Variants in MICOS13 observed in about 807,000 individuals in gnomAD.
MICOS13 encodes the protein mitochondrial contact site and cristae organizing system subunit 13.
MICOS13 carries 15 observed loss-of-function variants against 16.1 expected under a neutral mutation model. The observed-to-expected ratio is 0.93, with a 90% CI of 0.62 to 1.44. MICOS13 has a LOEUF of 1.44. Ranked by LOEUF, MICOS13 falls within the 40% of genes most tolerant of loss-of-function variation. The pLI is 0.00. For synonymous variants in MICOS13, 61 were observed against 62.6 expected (o/e 0.97, Z 0.12); for missense variants, 164 against 155.0 (o/e 1.06, Z -0.31).
chr19:5,680,407 CA>C (rs1568294723), intron 1 of MICOS13, 50 bp downstream of exon 1: 3 of 1,612,380 alleles, frequency 1.9e-6, no homozygotes, highest in Non-Finnish European at 2.5e-6. Context: ...GGGATGCCCA[CA>C]AAAATGGACT....
rs767797342 is a variant in MICOS13 at position 5,679,396 on chromosome 19, G to C, written c.208C>G (p.Leu70Val). 3 of 1,613,272 alleles carry C rather than the reference G, an allele frequency of 1.9e-6. No individual in the cohort carries two copies. The African/African-American group carries it at 4.0e-5, about 22-fold the overall frequency. Residue 70 changes from leucine (L) to valine (V), a missense_variant and splice_region_variant, in exon 3 of 4, where the codon CTC becomes GTC. Leu to Val is a conservative substitution (Grantham distance 32, BLOSUM62 1). Coordinates refer to ENST00000309324, the MANE Select transcript of MICOS13 (RefSeq NM_205767.3). Reference sequence around the variant, plus strand: ...AAGTAAATCTTTGGAGGGGCTGGGAGCTGGGAAAAAGAGATGGGCAGAAAG... The same window carrying C: ...AAGTAAATCTTTGGAGGGGCTGGGACCTGGGAAAAAGAGATGGGCAGAAAG... ...CQQTGLQIPQ[L>V]PAPPKIYFPI...
chr19:5,680,132 C>G, intron 1 of MICOS13: 1 of 1,536,122 alleles, frequency 6.5e-7, no homozygotes, highest in Non-Finnish European at 8.7e-7. Context: ...CAGCTCCGAG[C>G]ACGCATTCAC....
Position 5,679,777 on chromosome 19 carries a change from C to T in MICOS13, c.30-14G>A, listed in dbSNP as rs1555704095. ...TTGATGAGGAACCTGCGGGCAGGGA[C>T]GGGAGGAGCAGAAGCTCAGCGGACA... On this transcript the variant is annotated splice_polypyrimidine_tract_variant and intron_variant, in intron 1 of 3. Coordinates refer to ENST00000309324, the MANE Select transcript of MICOS13 (RefSeq NM_205767.3). The T allele has an allele frequency of 6.3e-7, 1 of 1,583,986 alleles. No individual in the cohort carries two copies. The highest frequency in any genetic ancestry group is 1.8e-5 in the Admixed American group (1 of 54,594).
intron 3 of MICOS13, 170 bp downstream of exon 3, chr19:5,679,175 G>A (rs2054484290): frequency 7.1e-6 from 5 of 699,346 alleles, no homozygotes; most frequent in Middle Eastern, 3.9e-4. Context: ...GCCTCCCAAA[G>A]TGCTGGGATT....
At position 5,679,733 on chromosome 19, in the gene MICOS13, G is replaced by GCC; in HGVS notation, c.58_59dup (p.Val22ProfsTer69). 6.2e-7 allele frequency: 1 copy of GCC among 1,607,676 alleles called. No individual in the cohort carries two copies. The highest frequency in any genetic ancestry group is 8.5e-7 in the Non-Finnish European group (1 of 1,178,672). On this transcript the variant is annotated frameshift_variant, in exon 2 of 4. Coordinates refer to ENST00000309324, the MANE Select transcript of MICOS13 (RefSeq NM_205767.3). LOFTEE classifies it high-confidence loss of function. Reference sequence around the variant, plus strand: ...CCTGGTCGTACACCAGGTAGACGGCGCCCCCAGCCACACTTCCCTTGATGA... The same window carrying GCC: ...CCTGGTCGTACACCAGGTAGACGGCGCCCCCCCAGCCACACTTCCCTTGATGA...
At chr19:5,680,108 C>T (rs1336925729) in intron 1 of MICOS13, 4 of 1,535,844 alleles carry the variant, frequency 2.6e-6, no homozygotes, top group Non-Finnish European at 3.5e-6. Context: ...GCGCCTCCTG[C>T]CCGCTGTCAC....
Position 5,678,511 on chromosome 19 carries a change from C to T in MICOS13, c.*40G>A, listed in dbSNP as rs1299430969. 1 of 1,524,072 alleles carries T rather than the reference C, an allele frequency of 6.6e-7. No individual in the cohort carries two copies. 94.4% of individuals were successfully genotyped at this position (1,524,072 alleles called of 1,614,324 possible). On this transcript the variant is annotated 3_prime_UTR_variant, in exon 4 of 4. Transcript: ENST00000309324. ...CGGAGTCTTCAGGTCAGTGGCAGCC[C>T]TGCCCGTTCTGGCCGGGGCAGGCGG...
At position 5,679,638 on chromosome 19, in the gene MICOS13, A is replaced by C. The variant is rs1182981607; in HGVS notation, c.155T>G (p.Met52Arg). ...QKAGEVVPPA[M>R]YQFSQYVCQQ... ...ACACACGTACTGGCTGAACTGGTAC[A>C]TGGCGGGGGGGACCACCTCCCCAGC... The change falls in exon 2 of 4, where the codon ATG becomes AGG. Residue 52 changes from methionine (M) to arginine (R), a missense_variant. Met to Arg is a moderately conservative substitution (Grantham distance 91, BLOSUM62 -1). Coordinates refer to ENST00000309324, the MANE Select transcript of MICOS13 (RefSeq NM_205767.3). The C allele has an allele frequency of 1.9e-6, 3 of 1,610,846 alleles. No homozygotes were observed. Among genetic ancestry groups the C allele is most frequent in the Non-Finnish European group, 2.5e-6 (3 of 1,179,260 alleles).
rs777798994 is a variant in MICOS13 at position 5,678,563 on chromosome 19, C to T, written c.345G>A (p.Ala115=). 1.2e-5 allele frequency: 18 copies of T among 1,549,148 alleles called. No individual in the cohort carries two copies. Among genetic ancestry groups the T allele is most frequent in the Middle Eastern group, 3.8e-4 (2 of 5,286 alleles). The part of the protein sequence containing the change: ...YSKEGWEYVK[A]RTK ...CCCTGCTGACTCGCTACTTGGTGCG[C>T]GCCTTCACATACTCCCAGCCCTCCT... The change falls in exon 4 of 4, where the codon GCG becomes GCA. Residue 115 remains alanine (A), a synonymous_variant. Coordinates refer to ENST00000309324, the MANE Select transcript of MICOS13 (RefSeq NM_205767.3).
At chr19:5,679,028 C>T (rs1024638538) in intron 3 of MICOS13, 3 of 382,982 alleles carry the variant, frequency 7.8e-6, no homozygotes, top group Non-Finnish European at 1.4e-5. Context: ...CCTGCTTCAG[C>T]CTCTCAAGCA....
At chr19:5,678,686 C>T in intron 3 of MICOS13, 38 bp from the exon 4 acceptor site, 1 of 1,429,684 alleles carries the variant, frequency 7.0e-7, no homozygotes, top group Non-Finnish European at 9.3e-7. Flanking sequence ...TACTCCCCTC[C>T]CAGCCTCACC....
chr19:5,680,249 C>G (rs768057141), intron 1 of MICOS13: 2 of 1,566,134 alleles, frequency 1.3e-6, no homozygotes, highest in South Asian at 2.3e-5. Flanking sequence ...GCCAAGGGCT[C>G]GCTGGGAAGC....
rs2054471828 is a variant in MICOS13 at position 5,678,423 on chromosome 19, A to G, written c.*128T>C. ...GGGGCCAGCACACGGGTCAGGGAAC[A>G]CTTCTGAAGTCCTTTATTGGGCCGG... On this transcript the variant is annotated 3_prime_UTR_variant, in exon 4 of 4. Coordinates refer to ENST00000309324, the MANE Select transcript of MICOS13 (RefSeq NM_205767.3). 2 of 878,746 alleles carry G rather than the reference A, an allele frequency of 2.3e-6. No homozygotes were observed. The highest frequency in any genetic ancestry group is 1.7e-6 in the Non-Finnish European group (1 of 575,554). The allele number at this position is 878,746 out of a possible 1,614,324, so 54.4% of individuals were successfully genotyped here. A position where few individuals can be genotyped will look rare whatever the true frequency, so the allele number is the denominator to read the frequency against.
chr19:5,678,690 C>A (rs2054475878), intron 3 of MICOS13, 42 bp from the exon 4 acceptor site: 1 of 1,426,384 alleles, frequency 7.0e-7, no homozygotes, highest in Non-Finnish European at 9.4e-7. Context: ...CCCCTCCCAG[C>A]CTCACCCAGC....
At position 5,678,646 on chromosome 19, in the gene MICOS13, T is replaced by C. The variant is rs765823999; in HGVS notation, c.262A>G (p.Ile88Val). ...GACAGAGCTGACATCACCGTCATGA[T>C]GCCTGTGGGAAAGGGACGGCCACTG... is the stretch of plus-strand genomic sequence containing the variant. ...FPIRDSWNAGIMTVMSALSVA... is the reference protein window; with the variant it reads ...FPIRDSWNAGVMTVMSALSVA... Residue 88 changes from isoleucine to valine, a missense_variant and splice_region_variant, in exon 4 of 4, where the codon ATC (isoleucine) becomes GTC (valine). By Grantham distance (29) the Ile-to-Val change is conservative. Transcript: ENST00000309324. The C allele has an allele frequency of 5.3e-6, 8 of 1,521,648 alleles. No homozygotes were observed. Among genetic ancestry groups the C allele is most frequent in the Middle Eastern group, 1.7e-4 (1 of 5,850 alleles). 94.3% of individuals were successfully genotyped at this position (1,521,648 alleles called of 1,614,324 possible).
At chr19:5,678,736 GC>G in intron 3 of MICOS13, 88 bp from the exon 4 acceptor site, 2 of 855,622 alleles carry the variant, frequency 2.3e-6, no homozygotes, top group Non-Finnish European at 3.5e-6. Flanking sequence ...TTTGTTTTGG[GC>G]GGTGGGGGGT....
chr19:5,679,683 C>T lies in MICOS13; in HGVS notation c.110G>A (p.Ser37Asn). 1 of 1,610,428 alleles carries T rather than the reference C, an allele frequency of 6.2e-7. No homozygotes were observed. The highest frequency in any genetic ancestry group is 8.5e-7 in the Non-Finnish European group (1 of 1,179,234). The change falls in exon 2 of 4, where the codon AGC becomes AAC. Residue 37 changes from serine to asparagine, a missense_variant. Ser to Asn is a conservative substitution (Grantham distance 46). Transcript: ENST00000309324. Reference sequence around the variant, plus strand: ...CCCAGCCTTCTGTAGGGCTGCCTGGCTCTTGTCGCTGGGCCCCAGCAGCTC... The same window carrying T: ...CCCAGCCTTCTGTAGGGCTGCCTGGTTCTTGTCGCTGGGCCCCAGCAGCTC... Reference protein sequence around the residue: ...DQELLGPSDKSQAALQKAGEV... With the variant: ...DQELLGPSDKNQAALQKAGEV...
chr19:5,679,964 A>G, intron 1 of MICOS13: 5 of 1,437,674 alleles, frequency 3.5e-6, no homozygotes, highest in Non-Finnish European at 4.6e-6. Context: ...GCTGGACGCC[A>G]CTTGAACTGA....
At position 5,679,328 on chromosome 19, in the gene MICOS13, G is replaced by A. The variant is rs758335104; in HGVS notation, c.259+17C>T. ...ACTGGGGTGTCTCCCTCCAAGCAAA[G>A]AAACTGGGTGCCTTACCTGCATTCC... On this transcript the variant is annotated intron_variant, in intron 3 of 3. Coordinates refer to ENST00000309324, the MANE Select transcript of MICOS13 (RefSeq NM_205767.3). 2 of 1,610,866 alleles carry A rather than the reference G, an allele frequency of 1.2e-6. No homozygotes were observed. Among genetic ancestry groups the A allele is most frequent in the East Asian group, 4.5e-5 (2 of 44,844 alleles).
Sources: allele counts gnomAD v4.1 joint callset, GRCh38; gene constraint gnomAD v4.1.1; transcripts MANE v1.5; gene names NCBI Gene and HGNC (gene_info 2026-07-23, HGNC 2026-07-21).